The following TOX2 variants were observed in gnomAD, a reference collection of about 807,000 sequenced individuals.
TOX2 encodes granulosa cell HMG box 1.
A neutral mutation model predicts 47.4 loss-of-function variants in TOX2; 15 were observed. The observed-to-expected ratio is 0.32, with a 90% CI of 0.21 to 0.49. The LOEUF (loss-of-function observed/expected upper bound fraction) is 0.49, where lower values mean the gene tolerates loss of function less well. Ranked by LOEUF, TOX2 falls within the 20% of genes least tolerant of loss-of-function variation. The pLI is 0.99. For synonymous variants in TOX2, 290 were observed against 296.6 expected (o/e 0.98, Z 0.23); for missense variants, 622 against 673.1 (o/e 0.92, Z 0.84).
At chr20:43,944,714 C>T (rs1188264500) in intron 1 of TOX2, among the ~76,000 whole-genome samples, 1 of 152,232 alleles carries the variant, frequency 6.6e-6, no homozygotes, top group Non-Finnish European at 1.5e-5. Flanking sequence ...TGGATCCTCT[C>T]AGCTCTGTGG....
chr20:43,963,162 A>G (rs537221429), intron 1 of TOX2, among the ~76,000 whole-genome samples: 1 of 152,062 alleles, frequency 6.6e-6, no homozygotes, highest in South Asian at 2.1e-4. Flanking sequence ...AGAGCGAGGT[A>G]GGTGGGAGGG....
intron 1 of TOX2, among the ~76,000 whole-genome samples, chr20:43,942,953 G>C (rs375464743): frequency 1.3e-5 from 2 of 152,266 alleles, no homozygotes; most frequent in East Asian, 3.9e-4. Context: ...ACACCAGAAG[G>C]AGCTGAGCAG....
chr20:44,024,973 A>C (rs2071037524), intron 3 of TOX2, among the ~76,000 whole-genome samples: 2 of 152,124 alleles, frequency 1.3e-5, no homozygotes, highest in South Asian at 4.1e-4. Flanking sequence ...TCATGTGTAT[A>C]CTTCCACGTG....
intron 1 of TOX2, among the ~76,000 whole-genome samples, chr20:43,920,377 C>T (rs978021492): frequency 6.6e-6 from 1 of 152,114 alleles, no homozygotes; most frequent in East Asian, 1.9e-4. Flanking sequence ...CTATGTGAGG[C>T]CTGCCCGGCA....
At chr20:43,931,146 T>C (rs2069248084) in intron 1 of TOX2, among the ~76,000 whole-genome samples, 1 of 152,200 alleles carries the variant, frequency 6.6e-6, no homozygotes, top group Non-Finnish European at 1.5e-5. Flanking sequence ...TTTTATGTTT[T>C]TTTTCTTTAA....
Position 43,932,129 on chromosome 20 carries a change from G to A in TOX2, c.99+17139G>A, listed in dbSNP as rs554508929. Among the ~76,000 whole-genome samples the A allele has an allele frequency of 3.3e-5, 5 of 152,080 alleles. No homozygotes were observed. The South Asian group carries it at 8.3e-4, about 25-fold the overall frequency. Reference sequence around the variant, plus strand: ...GAAGACTCAGGAAGTAAAATTTCTGGGTCAAAAAAGAGTGAGCATTTTTAT... The same window carrying A: ...GAAGACTCAGGAAGTAAAATTTCTGAGTCAAAAAAGAGTGAGCATTTTTAT... On this transcript the variant is annotated intron_variant, in intron 1 of 8. Coordinates refer to ENST00000341197, the MANE Select transcript of TOX2 (RefSeq NM_001098797.2).
At chr20:43,978,725 A>G (rs1010403816) in intron 2 of TOX2, among the ~76,000 whole-genome samples, 2 of 149,776 alleles carry the variant, frequency 1.3e-5, no homozygotes, top group Admixed American at 6.7e-5. Flanking sequence ...CACTTCTGCT[A>G]AAGAGCTCAC....
chr20:43,951,266 G>C (rs1180269067), intron 1 of TOX2, among the ~76,000 whole-genome samples: 1 of 152,130 alleles, frequency 6.6e-6, no homozygotes, highest in Non-Finnish European at 1.5e-5. Context: ...CTGTATTTGA[G>C]TTTTCTACCT....
intron 1 of TOX2, among the ~76,000 whole-genome samples, chr20:43,965,212 G>T (rs374875139): frequency 1.3e-5 from 2 of 152,164 alleles, no homozygotes; most frequent in Non-Finnish European, 2.9e-5. Context: ...TGTGGCTATT[G>T]GGAGTAAGAC....
rs115775532 is a variant in TOX2, at chr20:43,954,063, A to G, written c.100-19304A>G. 9.1e-3 allele frequency among the ~76,000 whole-genome samples: 1,387 copies of G among 152,266 alleles called. 25 individuals are homozygous for G. The highest frequency in any genetic ancestry group is 0.031 in the African/African-American group (1,292 of 41,528). ...AATTAAAGCATGTTACTCCCCTGCA[A>G]GAACTCTCCAAGGGCTTCCCATCTG... On this transcript the variant is annotated intron_variant, in intron 1 of 8. Transcript: ENST00000341197.
intron 1 of TOX2, among the ~76,000 whole-genome samples, chr20:43,932,103 A>G (rs1212471634): frequency 6.6e-6 from 1 of 152,160 alleles, no homozygotes; most frequent in East Asian, 1.9e-4. Flanking sequence ...GGGGTATCAA[A>G]GAAGACTCAG....
chr20:43,972,661 C>G (rs1030364617), intron 1 of TOX2, among the ~76,000 whole-genome samples: 2 of 152,242 alleles, frequency 1.3e-5, no homozygotes, highest in Non-Finnish European at 2.9e-5. Flanking sequence ...AACTTGAGAT[C>G]ACACTTCAGG....
chr20:43,918,807 A>G (rs2069084476), intron 1 of TOX2, among the ~76,000 whole-genome samples: 1 of 152,246 alleles, frequency 6.6e-6, no homozygotes, highest in Admixed American at 6.5e-5. Flanking sequence ...ACATTCTTAT[A>G]CAAGTCTTTT....
chr20:43,963,931 C>T (rs1361978771), intron 1 of TOX2, among the ~76,000 whole-genome samples: 2 of 152,018 alleles, frequency 1.3e-5, no homozygotes, highest in Non-Finnish European at 2.9e-5. Context: ...TAGCAACTGG[C>T]AGGATTCTTA....
At position 44,009,202 on chromosome 20, in the gene TOX2, A is replaced by G. The variant is rs2070739932; in HGVS notation, c.411+2410A>G. ...ACGGCTTTATAGTCAAACGATCTCA[A>G]CTGTATTTTGTTTACTCTTCATTTA... On this transcript the variant is annotated intron_variant, in intron 3 of 8. Transcript: ENST00000341197. 3.3e-5 allele frequency among the ~76,000 whole-genome samples: 5 copies of G among 152,104 alleles called. No homozygotes were observed. The South Asian group carries it at 1.0e-3, about 32-fold the overall frequency.
intron 1 of TOX2, among the ~76,000 whole-genome samples, chr20:43,969,958 A>G (rs1286143960): frequency 6.6e-6 from 1 of 152,028 alleles, no homozygotes; most frequent in Non-Finnish European, 1.5e-5. Context: ...CGTGTCGGAG[A>G]CCAGGCCCCC....
At chr20:44,015,688 T>G (rs557940929) in intron 3 of TOX2, among the ~76,000 whole-genome samples, 1 of 152,200 alleles carries the variant, frequency 6.6e-6, no homozygotes, top group African/African-American at 2.4e-5. Flanking sequence ...GAGTGTGAAG[T>G]TGAACACAAA....
chr20:43,951,157 C>A (rs1437740497), intron 1 of TOX2, among the ~76,000 whole-genome samples: 1 of 152,086 alleles, frequency 6.6e-6, no homozygotes, highest in African/African-American at 2.4e-5. Flanking sequence ...CAGGAGGGAC[C>A]CTTGCAGTAG....
chr20:43,930,793 A>T (rs1438624173), intron 1 of TOX2, among the ~76,000 whole-genome samples: 2 of 152,198 alleles, frequency 1.3e-5, no homozygotes, highest in Non-Finnish European at 2.9e-5. Flanking sequence ...CCTGCCAAAA[A>T]GTTTAGGAAA....
Sources: allele counts gnomAD v4.1 joint callset (sites outside exome capture counted in the v4.1 genomes callset), GRCh38; gene constraint gnomAD v4.1.1; transcripts MANE v1.5; gene names NCBI Gene and HGNC (gene_info 2026-07-23, HGNC 2026-07-21).